USP33: variants seen among roughly 807,000 people sequenced by gnomAD.
USP33 encodes ubiquitin specific peptidase 33, also known as ubiquitin carboxyl-terminal hydrolase 33.
In USP33, 46 loss-of-function variants were observed where a neutral mutation model predicts 124.2. The observed-to-expected ratio is 0.37, with a 90% CI of 0.29 to 0.47. The LOEUF is 0.47. Ranked by LOEUF, USP33 falls within the 20% of genes least tolerant of loss-of-function variation. The pLI, the probability that USP33 is intolerant of heterozygous loss-of-function variation, is 0.99. For synonymous variants in USP33, 350 were observed against 352.3 expected (o/e 0.99, Z 0.07); for missense variants, 851 against 1,070.6 (o/e 0.79, Z 2.86).
intron 18 of USP33, among the ~76,000 whole-genome samples, chr1:77,715,101 A>T (rs763541845): frequency 6.6e-6 from 1 of 152,220 alleles, no homozygotes; most frequent in Non-Finnish European, 1.5e-5. Context: ...ATGCTAAAAA[A>T]AAACAAATAT....
chr1:77,701,504 T>C (rs771593942), intron 21 of USP33, 33 bp from the exon 22 acceptor site: 22 of 1,548,736 alleles, frequency 1.4e-5, no homozygotes, highest in Non-Finnish European at 1.8e-5. Context: ...TCATCTAATA[T>C]CTAAAACTTG....
At chr1:77,742,579 C>A (rs1570843493) in intron 1 of USP33, among the ~76,000 whole-genome samples, 1 of 148,224 alleles carries the variant, frequency 6.7e-6, no homozygotes, top group East Asian at 2.0e-4. Flanking sequence ...CTTTACTGAT[C>A]CACAGTGTTT....
intron 1 of USP33, among the ~76,000 whole-genome samples, chr1:77,758,403 G>T (rs1681006830): frequency 6.6e-6 from 1 of 151,966 alleles, no homozygotes; most frequent in Non-Finnish European, 1.5e-5. Flanking sequence ...GGATGGTCTC[G>T]ATCTCCTGAC....
intron 17 of USP33, among the ~76,000 whole-genome samples, chr1:77,717,186 T>A (rs1000468742): frequency 6.7e-6 from 1 of 150,184 alleles, no homozygotes; most frequent in African/African-American, 2.4e-5. Context: ...TCTTAAAAAA[T>A]CCAGTATAAA....
rs193038466 is a variant in USP33 at position 77,697,253 on chromosome 1, C to T, written c.*64G>A. 251 of 1,359,202 alleles carry T rather than the reference C, an allele frequency of 1.8e-4. No homozygotes were observed. In the African/African-American group the frequency reaches 3.4e-3, roughly 18 times the overall value. The allele number at this position is 1,359,202 out of a possible 1,614,324, so 84.2% of individuals were successfully genotyped here. On this transcript the variant is annotated 3_prime_UTR_variant, in exon 24 of 24. Coordinates refer to ENST00000370794, the MANE Select transcript of USP33 (RefSeq NM_201624.3). The stretch of plus-strand genomic sequence containing the variant: ...ATAAACACGCTTTTAGGAATGTTTT[C>T]GCATGTGTACATGTCAGGGCACATG...
chr1:77,713,175 G>C (rs1570753686), intron 20 of USP33, 25 bp downstream of exon 20: 2 of 1,586,856 alleles, frequency 1.3e-6, no homozygotes, highest in Non-Finnish European at 8.6e-7. Context: ...TCACAACACT[G>C]TATGGTCTGA....
chr1:77,698,954 A>G (rs181788940), intron 22 of USP33, among the ~76,000 whole-genome samples: 1 of 152,308 alleles, frequency 6.6e-6, no homozygotes. Flanking sequence ...AAGCATTATA[A>G]AAGAAACCGT....
chr1:77,740,862 T>G lies in USP33; in HGVS notation c.198+15A>C. Reference sequence around the variant, plus strand: ...TTTTTTAACAAGTCTTCCATTAAATTTTTTATATACATACCTGAGAATGTA... The same window carrying G: ...TTTTTTAACAAGTCTTCCATTAAATGTTTTATATACATACCTGAGAATGTA... On this transcript the variant is annotated intron_variant, in intron 4 of 23. Transcript: ENST00000370794. The G allele has an allele frequency of 6.5e-7, 1 of 1,547,360 alleles. No homozygotes were observed. Among genetic ancestry groups the G allele is most frequent in the Non-Finnish European group, 8.7e-7 (1 of 1,142,904 alleles).
At chr1:77,732,512 A>G (rs1677940531) in intron 7 of USP33, among the ~76,000 whole-genome samples, 1 of 152,172 alleles carries the variant, frequency 6.6e-6, no homozygotes, top group South Asian at 2.1e-4. Context: ...AAGAGAGATT[A>G]TTAGCTACCC....
intron 1 of USP33, chr1:77,745,281 T>C (rs1171983634): frequency 6.6e-6 from 1 of 152,242 alleles, no homozygotes; most frequent in Non-Finnish European, 1.5e-5. Flanking sequence ...TTGGTAGATC[T>C]TCCTCCATCC....
chr1:77,724,517 T>C (rs1273803709), intron 11 of USP33, among the ~76,000 whole-genome samples: 2 of 152,208 alleles, frequency 1.3e-5, no homozygotes, highest in African/African-American at 4.8e-5. Flanking sequence ...CTCCCATATA[T>C]ACCTGGAAGG....
At chr1:77,720,191 AAAACCTTTATTCTTACATGTGG>A in intron 15 of USP33, 2 of 491,712 alleles carry the variant, frequency 4.1e-6, no homozygotes, top group Non-Finnish European at 2.6e-6. Flanking sequence ...AAAAAAAAAA[AAAACCTTTATTCTTACATGTGG>A]AAAAAAAGAT....
intron 1 of USP33, among the ~76,000 whole-genome samples, chr1:77,753,063 G>C (rs1680488537): frequency 6.6e-6 from 1 of 152,038 alleles, no homozygotes; most frequent in Non-Finnish European, 1.5e-5. Context: ...TGGGTGACAA[G>C]AGCAAAACTC....
Position 77,713,561 on chromosome 1 carries a change from T to C in USP33, c.2216-280A>G, listed in dbSNP as rs924115562. 23 of 221,602 alleles carry C rather than the reference T, an allele frequency of 1.0e-4. 1 individual carries two copies. The highest frequency in any genetic ancestry group is 5.2e-4 in the East Asian group (4 of 7,648). The allele number at this position is 221,602 out of a possible 1,614,324, so 13.7% of individuals were successfully genotyped here. On this transcript the variant is annotated intron_variant, in intron 19 of 23. Transcript: ENST00000370794. ...CAACACACCCAGCTAACTTTTCTTT[T>C]TTTTTTTTTTTTTTTTGTAGAAACA...
chr1:77,747,784 G>T (rs1679891410), intron 1 of USP33, among the ~76,000 whole-genome samples: 1 of 152,160 alleles, frequency 6.6e-6, no homozygotes, highest in Non-Finnish European at 1.5e-5. Context: ...GATCCATCTG[G>T]AATTTATCTT....
At chr1:77,711,910 T>G in intron 20 of USP33, 55 bp from the exon 21 acceptor site, 4 of 1,516,846 alleles carry the variant, frequency 2.6e-6, no homozygotes, top group Non-Finnish European at 3.6e-6. Flanking sequence ...TTCTAACATT[T>G]AAGTCAGTGG....
intron 1 of USP33, among the ~76,000 whole-genome samples, chr1:77,748,358 CTTACT>C (rs527945160): frequency 7.2e-5 from 11 of 152,198 alleles, no homozygotes; most frequent in Non-Finnish European, 1.5e-4. Flanking sequence ...TCCCTCTATT[CTTACT>C]TTACTTATTA....
In USP33 at chr1:77,696,180, T is replaced by C. The variant is rs1253900595; in HGVS notation, c.*1137A>G. On this transcript the variant is annotated 3_prime_UTR_variant, in exon 24 of 24. Coordinates refer to ENST00000370794, the MANE Select transcript of USP33 (RefSeq NM_201624.3). Reference sequence around the variant, plus strand: ...ATCAAGCAAATAGCAGTGCATACTATATTATTCAAAAAGACTTTATCTATT... The same window carrying C: ...ATCAAGCAAATAGCAGTGCATACTACATTATTCAAAAAGACTTTATCTATT... The C allele has an allele frequency of 3.3e-5, 5 of 152,272 alleles. No individual in the cohort carries two copies. Among genetic ancestry groups the C allele is most frequent in the Non-Finnish European group, 7.3e-5 (5 of 68,048 alleles). 9.4% of individuals were successfully genotyped at this position (152,272 alleles called of 1,614,324 possible). A position where few individuals can be genotyped will look rare whatever the true frequency, so the allele number is the denominator to read the frequency against.
intron 14 of USP33, 108 bp from the exon 15 acceptor site, chr1:77,721,313 A>C: frequency 8.3e-7 from 1 of 1,206,572 alleles, no homozygotes; most frequent in South Asian, 1.3e-5. Flanking sequence ...GCACAGAAAA[A>C]CAAGGTTCCA....
Sources: gnomAD v4.1 joint callset for allele counts (sites outside exome capture counted in the v4.1 genomes callset) on GRCh38, gnomAD v4.1.1 for gene constraint, MANE v1.5 for transcripts, NCBI Gene and HGNC (gene_info 2026-07-23, HGNC 2026-07-21) for gene names.